NLRP9: variants seen among roughly 807,000 people sequenced by gnomAD.
NLRP9 encodes NLR family pyrin domain containing 9, also known as NACHT, LRR and PYD domains-containing protein 9.
Under a neutral mutation model 83.1 loss-of-function variants are expected in NLRP9, and 88 were observed. The ratio of observed to expected loss-of-function variants is 1.06; its 90% CI spans 0.89 to 1.26. The LOEUF is 1.26. Ranked by LOEUF, NLRP9 falls within the 50% of genes most tolerant of loss-of-function variation. The pLI is 0.00. For synonymous variants in NLRP9, 521 were observed against 447.6 expected, an observed-to-expected ratio of 1.16 and a Z score of -2.07; for missense variants, 1,308 against 1,179.3, an observed-to-expected ratio of 1.11 and a Z score of -1.60.
At chr19:55,712,395 A>C (rs749599993) in intron 7 of NLRP9, 25 bp downstream of exon 7, 2 of 1,583,852 alleles carry the variant, frequency 1.3e-6, no homozygotes, top group East Asian at 2.2e-5. Context: ...AAATTTTCCT[A>C]CGATGGTGAT....
Position 55,708,810 on chromosome 19 carries a change from C to T in NLRP9, c.*102G>A, listed in dbSNP as rs1987557732. 3 of 753,480 alleles carry T rather than the reference C, an allele frequency of 4.0e-6. No individual in the cohort carries two copies. The highest frequency in any genetic ancestry group is 2.4e-5 in the South Asian group (1 of 42,082). The allele number at this position is 753,480 out of a possible 1,614,324, so 46.7% of individuals were successfully genotyped here. A position where few individuals can be genotyped will look rare whatever the true frequency, so the allele number is the denominator to read the frequency against. ...TAGGGAGTACCTCTGAAATCACAGC[C>T]CTGCTGCCATGATGTGCAATTACAG... On this transcript the variant is annotated 3_prime_UTR_variant, in exon 9 of 9. Transcript: ENST00000332836.
intron 6 of NLRP9, 57 bp downstream of exon 6, chr19:55,714,998 G>C: frequency 6.7e-7 from 1 of 1,488,654 alleles, no homozygotes. Context: ...CTTTCCTAGA[G>C]CCACAGTATC....
At chr19:55,735,171 G>A (rs1988752435) in intron 1 of NLRP9, among the ~76,000 whole-genome samples, 1 of 152,218 alleles carries the variant, frequency 6.6e-6, no homozygotes, top group South Asian at 2.1e-4. Flanking sequence ...GACATCACAG[G>A]AGGGAACAGC....
At chr19:55,717,039 T>TC (rs1988050485) in intron 4 of NLRP9, 141 bp from the exon 5 acceptor site, 3 of 600,702 alleles carry the variant, frequency 5.0e-6, no homozygotes, top group Middle Eastern at 4.6e-4. Context: ...TTTTCTTTTT[T>TC]TTTTTTTTTT....
In NLRP9 at chr19:55,733,149, C is replaced by A. The variant is rs1248686762; in HGVS notation, c.682G>T (p.Asp228Tyr). The A allele has an allele frequency of 1.9e-6, 3 of 1,614,012 alleles. No homozygotes were observed. The highest frequency in any genetic ancestry group is 1.7e-6 in the Non-Finnish European group (2 of 1,180,022). ...TTAAACTTCAGTTGCTCAAAGCCAT[C>A]CATGATGAACAGAATTCTCTCTGGC... Reference protein sequence around the residue: ...SQPERILFIMDGFEQLKFNLQ... With the variant: ...SQPERILFIMYGFEQLKFNLQ... The change falls in exon 2 of 9, where the codon GAT (aspartate) becomes TAT (tyrosine). Residue 228 changes from aspartate to tyrosine, a missense_variant. Asp to Tyr is a radical substitution (Grantham distance 160). Transcript: ENST00000332836.
intron 2 of NLRP9, among the ~76,000 whole-genome samples, chr19:55,731,263 C>T (rs199862876): frequency 7.9e-5 from 12 of 151,278 alleles, no homozygotes; most frequent in East Asian, 7.8e-4. Context: ...AAACAAGGCA[C>T]GAACTTCCAG....
At chr19:55,729,050 C>CTTTTT (rs374589373) in intron 3 of NLRP9, among the ~76,000 whole-genome samples, 5,338 of 69,610 alleles carry the variant, frequency 0.077, 215 homozygotes, top group Non-Finnish European at 0.1. Context: ...TTTTCTTTTT[C>CTTTTT]TTTTTTTTTT....
Position 55,729,960 on chromosome 19 carries a change from A to G in NLRP9, c.1865T>C (p.Leu622Pro), listed in dbSNP as rs1307965331. 2 of 1,610,492 alleles carry G rather than the reference A, an allele frequency of 1.2e-6. No individual in the cohort carries two copies. The highest frequency in any genetic ancestry group is 4.5e-5 in the East Asian group (2 of 44,884). Residue 622 changes from leucine to proline, a missense_variant, in exon 3 of 9, where the codon CTT becomes CCT. Coordinates refer to ENST00000332836, the MANE Select transcript of NLRP9 (RefSeq NM_176820.4). ...CTTGTTGGTAATGAACATTGAGCAA[A>G]GCTCCCGCCAGTAGACGAGCTTCTC... is the stretch of plus-strand genomic sequence containing the variant. ...YNEKLVYWRE[L>P]CSMFITNKNF...
Position 55,726,649 on chromosome 19 carries a change from T to C in NLRP9, c.1995-2505A>G, listed in dbSNP as rs1371139457. On this transcript the variant is annotated intron_variant, in intron 3 of 8. Transcript: ENST00000332836. ...TCTCAAGTATAACTTCTTCCTTAACTATGAGGGAAAAAAAGTTGATAAATA... is the reference window on the plus strand; with the variant it reads ...TCTCAAGTATAACTTCTTCCTTAACCATGAGGGAAAAAAAGTTGATAAATA... Among the ~76,000 whole-genome samples the C allele has an allele frequency of 3.9e-5, 6 of 152,196 alleles. No individual in the cohort carries two copies. The East Asian group carries it at 1.2e-3, about 29-fold the overall frequency.
In NLRP9 at chr19:55,732,500, A is replaced by C. The variant is rs1419950261; in HGVS notation, c.1331T>G (p.Met444Arg). ...ACAAAACTCTTGGATACACAGATGC[A>C]TGAAGGCAAAACAGTCCCCTCTCCT... ...LQRRGDCFAF[M>R]HLCIQEFCAA... The change falls in exon 2 of 9, where the codon ATG (methionine) becomes AGG (arginine). Residue 444 changes from methionine to arginine, a missense_variant. Coordinates refer to ENST00000332836, the MANE Select transcript of NLRP9 (RefSeq NM_176820.4). 1.9e-6 allele frequency: 3 copies of C among 1,614,230 alleles called. No homozygotes were observed. Among genetic ancestry groups the C allele is most frequent in the Non-Finnish European group, 1.7e-6 (2 of 1,180,042 alleles).
chr19:55,719,234 G>A (rs1182172795), intron 4 of NLRP9, among the ~76,000 whole-genome samples: 1 of 152,226 alleles, frequency 6.6e-6, no homozygotes, highest in Non-Finnish European at 1.5e-5. Context: ...CTTGAGCTCA[G>A]GAGGCAGAGG....
In NLRP9 at chr19:55,732,313, C is replaced by A; in HGVS notation, c.1518G>T (p.Met506Ile). The change falls in exon 2 of 9, where the codon ATG (methionine) becomes ATT (isoleucine). Residue 506 changes from methionine to isoleucine, a missense_variant. Coordinates refer to ENST00000332836, the MANE Select transcript of NLRP9 (RefSeq NM_176820.4). ...GTGGAAAACCAAAGGAGGTCTCCAG[C>A]ATGCTGACGATTTCTTCTGTTGAAA... Reference protein sequence around the residue: ...FGISTEEIVSMLETSFGFPLS... With the variant: ...FGISTEEIVSILETSFGFPLS... The A allele has an allele frequency of 6.2e-7, 1 of 1,614,226 alleles. No homozygotes were observed. The highest frequency in any genetic ancestry group is 1.1e-5 in the South Asian group (1 of 91,086).
intron 3 of NLRP9, among the ~76,000 whole-genome samples, chr19:55,728,840 T>C (rs934989298): frequency 6.6e-6 from 1 of 152,116 alleles, no homozygotes; most frequent in African/African-American, 2.4e-5. Flanking sequence ...GCAGTAAGTT[T>C]GCTTACAGGG....
chr19:55,730,271 T>C lies in NLRP9; in HGVS notation c.1833-279A>G, dbSNP rs28738069. Among the ~76,000 whole-genome samples the C allele has an allele frequency of 2.4e-3, 370 of 152,178 alleles. 1 individual carries two copies. The highest frequency in any genetic ancestry group is 8.7e-3 in the African/African-American group (363 of 41,526). Reference sequence around the variant, plus strand: ...GAGTTTGAGGACGGCCTGGGCAACATAGCAAGACTCCATCTCTATTAAAAA... The same window carrying C: ...GAGTTTGAGGACGGCCTGGGCAACACAGCAAGACTCCATCTCTATTAAAAA... On this transcript the variant is annotated intron_variant, in intron 2 of 8. Coordinates refer to ENST00000332836, the MANE Select transcript of NLRP9 (RefSeq NM_176820.4).
At chr19:55,727,434 T>C (rs1197572803) in intron 3 of NLRP9, among the ~76,000 whole-genome samples, 6 of 152,124 alleles carry the variant, frequency 3.9e-5, no homozygotes, top group Admixed American at 3.3e-4. Flanking sequence ...CATGTGAAAA[T>C]CAATGACTTC....
chr19:55,735,707 C>T (rs558502764), intron 1 of NLRP9, among the ~76,000 whole-genome samples: 39 of 151,676 alleles, frequency 2.6e-4, no homozygotes, highest in Non-Finnish European at 4.4e-4. Flanking sequence ...TTTTTTTAGA[C>T]AGAGTCTCAT....
intron 8 of NLRP9, among the ~76,000 whole-genome samples, chr19:55,711,103 C>A (rs561131480): frequency 0.017 from 2,048 of 121,962 alleles, 79 homozygotes; most frequent in African/African-American, 0.073. Flanking sequence ...CAAAACAAAA[C>A]AAAACAAAAA....
In NLRP9 at chr19:55,732,916, C is replaced by T. The variant is rs1332802486; in HGVS notation, c.915G>A (p.Ser305=). The T allele has an allele frequency of 1.9e-6, 3 of 1,613,888 alleles. No homozygotes were observed. Among genetic ancestry groups the T allele is most frequent in the Admixed American group, 1.7e-5 (1 of 59,950 alleles). Residue 305 remains serine (S), a synonymous_variant, in exon 2 of 9, where the codon TCG becomes TCA. Coordinates refer to ENST00000332836, the MANE Select transcript of NLRP9 (RefSeq NM_176820.4). ...TCTCACCAAAGAAGTAGGAGAAATA[C>T]GACTTCTTTTCAGATTCACTGAATC... is the stretch of plus-strand genomic sequence containing the variant. ...LLGFSESEKK[S]YFSYFFGEKS...
intron 3 of NLRP9, among the ~76,000 whole-genome samples, chr19:55,724,847 C>T (rs879386793): frequency 3.3e-5 from 5 of 152,080 alleles, no homozygotes; most frequent in Admixed American, 3.3e-4. Context: ...CACATGAGGT[C>T]AGGAGTTTGA....
Sources: allele counts gnomAD v4.1 joint callset (sites outside exome capture counted in the v4.1 genomes callset), GRCh38; gene constraint gnomAD v4.1.1; transcripts MANE v1.5; gene names NCBI Gene and HGNC (gene_info 2026-07-23, HGNC 2026-07-21).